The following TMEM244 variants were observed in gnomAD, a reference collection of about 807,000 sequenced individuals.
TMEM244 encodes the protein putative transmembrane protein 244.
In TMEM244, 13 loss-of-function variants were observed where a neutral mutation model predicts 15.8. The observed-to-expected ratio is 0.82, with a 90% CI of 0.53 to 1.30. The LOEUF (loss-of-function observed/expected upper bound fraction) is 1.30. Among genes scored for constraint, TMEM244 ranks in the 50% most tolerant of loss-of-function variants. The pLI is 0.00. For synonymous variants in TMEM244, 45 were observed against 48.7 expected (o/e 0.92, Z 0.32); for missense variants, 161 against 144.9 (o/e 1.11, Z -0.57).
Position 129,845,840 on chromosome 6 carries a change from T to G in TMEM244, c.46A>C (p.Lys16Gln). Residue 16 changes from lysine (K) to glutamine (Q), a missense_variant, in exon 2 of 5, where the codon AAG becomes CAG. Coordinates refer to ENST00000368143, the MANE Select transcript of TMEM244 (RefSeq NM_001010876.2). ...RVAPSKVVLQ[K>Q]FLLCVILFYT... Reference sequence around the variant, plus strand: ...AAAAGAATGACACATAGAAGAAACTTCTGCAAAACAACCTGTGGAGAAAAC... The same window carrying G: ...AAAAGAATGACACATAGAAGAAACTGCTGCAAAACAACCTGTGGAGAAAAC... 6.2e-7 allele frequency: 1 copy of G among 1,612,492 alleles called. No individual in the cohort carries two copies. Among genetic ancestry groups the G allele is most frequent in the Non-Finnish European group, 8.5e-7 (1 of 1,179,452 alleles).
chr6:129,853,859 T>C (rs1776668456), intron 1 of TMEM244, among the ~76,000 whole-genome samples: 1 of 152,164 alleles, frequency 6.6e-6, no homozygotes, highest in Non-Finnish European at 1.5e-5. Context: ...GGAGCCTGAG[T>C]ACTTCAGCAG....
intron 1 of TMEM244, among the ~76,000 whole-genome samples, chr6:129,848,355 G>A (rs1054657553): frequency 3.3e-5 from 5 of 152,196 alleles, no homozygotes; most frequent in African/African-American, 1.2e-4. Context: ...ACAGGGCCAC[G>A]TGCCCATTAC....
At chr6:129,839,255 G>A (rs1776452270) in intron 3 of TMEM244, among the ~76,000 whole-genome samples, 1 of 152,160 alleles carries the variant, frequency 6.6e-6, no homozygotes, top group African/African-American at 2.4e-5. Flanking sequence ...TCATCCCTGG[G>A]ATGCAAGGCT....
At chr6:129,854,290 A>G (rs1248255316) in intron 1 of TMEM244, among the ~76,000 whole-genome samples, 1 of 152,144 alleles carries the variant, frequency 6.6e-6, no homozygotes, top group African/African-American at 2.4e-5. Flanking sequence ...CATTCTGGTT[A>G]TTAAAGGAGA....
intron 1 of TMEM244, among the ~76,000 whole-genome samples, chr6:129,850,645 T>C (rs968388299): frequency 2.6e-5 from 4 of 152,216 alleles, no homozygotes; most frequent in Non-Finnish European, 4.4e-5. Flanking sequence ...TAAAATTTTT[T>C]AATAGCCACA....
In TMEM244 at chr6:129,833,522, T is replaced by C. The variant is rs9492393; in HGVS notation, c.257A>G (p.Glu86Gly). 562,245 of 1,611,868 alleles carry C rather than the reference T, an allele frequency of 0.35. 101,296 individuals carry two copies. The highest frequency in any genetic ancestry group is 0.5 in the South Asian group (45,666 of 90,696). The change falls in exon 4 of 5, where the codon GAA becomes GGA. Residue 86 changes from glutamate (E) to glycine (G), a missense_variant. By Grantham distance (98) the Glu-to-Gly change is moderately conservative. Transcript: ENST00000368143. ...VCGLFFVPVV[E>G]EWVWDYAISV... ...AATAGCATAATCCCAAACCCATTCT[T>C]CCACAACTGGAACAAAAAACAATCC... is the stretch of plus-strand genomic sequence containing the variant.
At chr6:129,838,793 A>G (rs1008321941) in intron 3 of TMEM244, among the ~76,000 whole-genome samples, 1 of 152,228 alleles carries the variant, frequency 6.6e-6, no homozygotes, top group Non-Finnish European at 1.5e-5. Flanking sequence ...AGAGAATATT[A>G]TAAACACCTC....
At chr6:129,844,938 C>G (rs939047723) in intron 2 of TMEM244, among the ~76,000 whole-genome samples, 12 of 152,140 alleles carry the variant, frequency 7.9e-5, no homozygotes, top group African/African-American at 2.9e-4. Context: ...CACTCAATTT[C>G]TAAGAAATCA....
Position 129,833,552 on chromosome 6 carries a change from A to G in TMEM244, c.227T>C (p.Val76Ala), listed in dbSNP as rs1776360607. 1.9e-6 allele frequency: 3 copies of G among 1,612,856 alleles called. No individual in the cohort carries two copies. The highest frequency in any genetic ancestry group is 1.6e-4 in the Middle Eastern group (1 of 6,074). Reference protein sequence around the residue: ...LLVSTEVTYFVCGLFFVPVVE... With the variant: ...LLVSTEVTYFACGLFFVPVVE... ...AACTGGAACAAAAAACAATCCACAAACAAAGTAGGTGACCTCTGTTGAAAC... is the reference window on the plus strand; with the variant it reads ...AACTGGAACAAAAAACAATCCACAAGCAAAGTAGGTGACCTCTGTTGAAAC... Residue 76 changes from valine to alanine, a missense_variant, in exon 4 of 5, where the codon GTT (valine) becomes GCT (alanine). Val to Ala is a moderately conservative substitution (Grantham distance 64). Transcript: ENST00000368143.
Position 129,842,097 on chromosome 6 carries a change from A to G in TMEM244, c.193+1433T>C, listed in dbSNP as rs550350818. 1.8e-3 allele frequency among the ~76,000 whole-genome samples: 280 copies of G among 152,284 alleles called. 3 individuals carry two copies. The highest frequency in any genetic ancestry group is 2.9e-3 in the Non-Finnish European group (198 of 68,018). ...TTGGAGATCTTCGCTAATCCCTGCT[A>G]TGTAAAAGTTCATCACTAATCTCTG... On this transcript the variant is annotated intron_variant, in intron 3 of 4. Transcript: ENST00000368143.
chr6:129,846,942 T>G (rs1323322942), intron 1 of TMEM244, among the ~76,000 whole-genome samples: 2 of 152,082 alleles, frequency 1.3e-5, no homozygotes, highest in African/African-American at 4.8e-5. Context: ...GTCTAACTTC[T>G]AAACAAAAAA....
intron 1 of TMEM244, among the ~76,000 whole-genome samples, chr6:129,860,474 G>A (rs1230099793): frequency 1.3e-5 from 2 of 152,066 alleles, no homozygotes; most frequent in African/African-American, 2.4e-5. Context: ...ACACGGTGCT[G>A]ATATTTTACT....
chr6:129,833,537 A>G lies in TMEM244; in HGVS notation c.242T>C (p.Phe81Ser), dbSNP rs748439160. ...EVTYFVCGLF[F>S]VPVVEEWVWD... ...AACCCATTCTTCCACAACTGGAACA[A>G]AAAACAATCCACAAACAAAGTAGGT... The change falls in exon 4 of 5, where the codon TTT (phenylalanine) becomes TCT (serine). Residue 81 changes from phenylalanine (F) to serine (S), a missense_variant. Coordinates refer to ENST00000368143, the MANE Select transcript of TMEM244 (RefSeq NM_001010876.2). 1 of 1,613,200 alleles carries G rather than the reference A, an allele frequency of 6.2e-7. No homozygotes were observed.
At position 129,831,309 on chromosome 6, in the gene TMEM244, A is replaced by G. The variant is rs778051897; in HGVS notation, c.*10T>C. On this transcript the variant is annotated 3_prime_UTR_variant, in exon 5 of 5. Coordinates refer to ENST00000368143, the MANE Select transcript of TMEM244 (RefSeq NM_001010876.2). ...ATTCTATTTAACATTATTTCTGTGC[A>G]TTAGAGAATCTAAACAAGCAATTTT... 4 of 1,465,274 alleles carry G rather than the reference A, an allele frequency of 2.7e-6. No homozygotes were observed. The South Asian group carries it at 3.5e-5, about 13-fold the overall frequency. The allele number at this position is 1,465,274 out of a possible 1,614,324, so 90.8% of individuals were successfully genotyped here.
At chr6:129,852,036 A>C (rs1026802449) in intron 1 of TMEM244, among the ~76,000 whole-genome samples, 2 of 152,208 alleles carry the variant, frequency 1.3e-5, no homozygotes, top group Non-Finnish European at 2.9e-5. Flanking sequence ...TTAAAGATGC[A>C]TAAGGACATA....
At chr6:129,858,943 C>T (rs534621204) in intron 1 of TMEM244, among the ~76,000 whole-genome samples, 26 of 151,996 alleles carry the variant, frequency 1.7e-4, no homozygotes, top group Non-Finnish European at 2.4e-4. Context: ...TACAGGTGTG[C>T]ACCACCACAC....
chr6:129,846,197 AT>A (rs1776559242), intron 1 of TMEM244, among the ~76,000 whole-genome samples: 1 of 152,212 alleles, frequency 6.6e-6, no homozygotes, highest in South Asian at 2.1e-4. Flanking sequence ...TAGTCTCTAT[AT>A]TAGTATGTAT....
chr6:129,843,977 A>G (rs1776528032), intron 2 of TMEM244, among the ~76,000 whole-genome samples: 1 of 152,218 alleles, frequency 6.6e-6, no homozygotes, highest in African/African-American at 2.4e-5. Context: ...AAACAGGTTC[A>G]CCTAAATGGT....
At chr6:129,854,446 G>A (rs906569657) in intron 1 of TMEM244, among the ~76,000 whole-genome samples, 25 of 152,218 alleles carry the variant, frequency 1.6e-4, no homozygotes, top group Admixed American at 4.6e-4. Context: ...ACTTCCTGGG[G>A]ATAAAAAGGA....
Sources: gnomAD v4.1 joint callset for allele counts (sites outside exome capture counted in the v4.1 genomes callset) on GRCh38, gnomAD v4.1.1 for gene constraint, MANE v1.5 for transcripts, NCBI Gene and HGNC (gene_info 2026-07-23, HGNC 2026-07-21) for gene names.